The following WNT8A variants were observed in gnomAD, a reference collection of about 807,000 sequenced individuals.
The protein encoded by WNT8A is Wnt family member 8A, also known as protein Wnt-8a.
WNT8A carries 14 observed loss-of-function variants against 20.5 expected under a neutral mutation model. The ratio of observed to expected loss-of-function variants is 0.68; its 90% CI spans 0.45 to 1.07. WNT8A has a LOEUF of 1.07. WNT8A is among the 50% of genes least tolerant of loss of function. WNT8A has a pLI of 0.00. For synonymous variants in WNT8A, 167 were observed against 169.2 expected, an observed-to-expected ratio of 0.99 and a Z score of 0.10; for missense variants, 397 against 462.9, an observed-to-expected ratio of 0.86 and a Z score of 1.31.
Position 138,091,532 on chromosome 5 carries a change from G to C in WNT8A, c.*459G>C. 7.7e-7 allele frequency: 1 copy of C among 1,302,648 alleles called. No homozygotes were observed. Among genetic ancestry groups the C allele is most frequent in the East Asian group, 5.0e-5 (1 of 20,002 alleles). The allele number at this position is 1,302,648 out of a possible 1,614,324, so 80.7% of individuals were successfully genotyped here. A position where few individuals can be genotyped will look rare whatever the true frequency, so the allele number is the denominator to read the frequency against. On this transcript the variant is annotated 3_prime_UTR_variant, in exon 5 of 5. Transcript: ENST00000506684. ...CAGCCTGTGGCTACAAATCTATGCT[G>C]ATAAATGAGGTAAAGACCACATATC...
At chr5:138,091,659 C>G (rs1750859562), downstream of WNT8A, 2 of 514,618 alleles carry the variant, frequency 3.9e-6, no homozygotes, top group Non-Finnish European at 6.1e-6. Context: ...GACACCATCT[C>G]TACACAAAAT....
intron 2 of WNT8A, 132 bp from the exon 3 acceptor site, chr5:138,087,674 A>AAAT: frequency 1.4e-6 from 1 of 706,608 alleles, no homozygotes; most frequent in Non-Finnish European, 2.1e-6. Flanking sequence ...AAAAAAAAAA[A>AAAT]GAAAGAAAAG....
chr5:138,086,650 C>G, intron 2 of WNT8A, among the ~76,000 whole-genome samples: 1 of 152,084 alleles, frequency 6.6e-6, no homozygotes, highest in Non-Finnish European at 1.5e-5. Flanking sequence ...CACCTGTAAT[C>G]CCAGCACTTT....
At position 138,084,482 on chromosome 5, in the gene WNT8A, C is replaced by A. The variant is rs375505533; in HGVS notation, c.157-16C>A. The A allele has an allele frequency of 3.2e-4, 514 of 1,590,266 alleles. No homozygotes were observed. In the Middle Eastern group the frequency reaches 4.2e-3, roughly 13 times the overall value. On this transcript the variant is annotated splice_polypyrimidine_tract_variant and intron_variant, in intron 1 of 4. Transcript: ENST00000506684. Reference sequence around the variant, plus strand: ...CCATACCGGGCAGAAGCTCACAGCCCTTTTCCCTTTGCCAGGCCTATCTGA... The same window carrying A: ...CCATACCGGGCAGAAGCTCACAGCCATTTTCCCTTTGCCAGGCCTATCTGA...
At chr5:138,086,801 A>C (rs1328976560) in intron 2 of WNT8A, among the ~76,000 whole-genome samples, 7 of 150,950 alleles carry the variant, frequency 4.6e-5, no homozygotes, top group Non-Finnish European at 1.0e-4. Flanking sequence ...TTGGGAGGCC[A>C]AGGTGAGTGG....
intron 4 of WNT8A, among the ~76,000 whole-genome samples, chr5:138,089,908 T>G (rs1305758655): frequency 1.3e-5 from 2 of 152,194 alleles, no homozygotes; most frequent in Non-Finnish European, 2.9e-5. Context: ...GCGATCCTCT[T>G]GCCTCAGCCT....
In WNT8A at chr5:138,090,701, G is replaced by A. The variant is rs1750816831; in HGVS notation, c.738G>A (p.Gly246=). 2 of 1,614,110 alleles carry A rather than the reference G, an allele frequency of 1.2e-6. No individual in the cohort carries two copies. The highest frequency in any genetic ancestry group is 1.3e-5 in the African/African-American group (1 of 74,942). Residue 246 remains glycine (G), a synonymous_variant, in exon 5 of 5, where the codon GGG becomes GGA. Transcript: ENST00000506684. Reference sequence around the variant, plus strand: ...TGGATAAGCGGCAGCTGAGAGCTGGGAACAGCGCCGAGGGCCACTGGGTGC... The same window carrying A: ...TGGATAAGCGGCAGCTGAGAGCTGGAAACAGCGCCGAGGGCCACTGGGTGC... ...IEMDKRQLRA[G]NSAEGHWVPA... is the part of the protein sequence containing the mutation.
rs776674977 is a variant in WNT8A at position 138,090,662 on chromosome 5, G to A, written c.699G>A (p.Ala233=). ...GDYLKAKYDQ[A]LKIEMDKRQL... The stretch of plus-strand genomic sequence containing the variant: ...ACCTAAAGGCCAAGTATGACCAGGC[G>A]CTGAAAATTGAAATGGATAAGCGGC... Residue 233 remains alanine (A), a synonymous_variant, in exon 5 of 5, where the codon GCG becomes GCA. Transcript: ENST00000506684. 1.1e-5 allele frequency: 18 copies of A among 1,614,234 alleles called. No individual in the cohort carries two copies. The highest frequency in any genetic ancestry group is 1.7e-5 in the Admixed American group (1 of 60,024).
intron 2 of WNT8A, among the ~76,000 whole-genome samples, chr5:138,085,557 A>G (rs1750632987): frequency 6.6e-6 from 1 of 152,122 alleles, no homozygotes; most frequent in Non-Finnish European, 1.5e-5. Flanking sequence ...AAGAAGACGG[A>G]GAAAGTGGCT....
intron 4 of WNT8A, 103 bp from the exon 5 acceptor site, chr5:138,090,425 C>T (rs1581363230): frequency 9.4e-7 from 1 of 1,059,632 alleles, no homozygotes; most frequent in Non-Finnish European, 1.4e-6. Context: ...AATTCTGATG[C>T]TCCTTTAAAG....
intron 2 of WNT8A, among the ~76,000 whole-genome samples, chr5:138,085,642 A>T (rs1298267070): frequency 1.3e-5 from 2 of 152,128 alleles, no homozygotes; most frequent in Non-Finnish European, 2.9e-5. Context: ...TGAGTTCAGG[A>T]GTTCGAGACC....
chr5:138,080,917 T>G (rs750851983), upstream of WNT8A, among the ~76,000 whole-genome samples: 3 of 152,126 alleles, frequency 2.0e-5, no homozygotes, highest in Admixed American at 6.5e-5. Context: ...AGCAGAGGCC[T>G]CTCTATAAAT....
At chr5:138,088,387 C>G (rs1227709212) in intron 3 of WNT8A, among the ~76,000 whole-genome samples, 1 of 142,420 alleles carries the variant, frequency 7.0e-6, no homozygotes. Context: ...GATGGAGTCT[C>G]GCTCTGTCGA....
Position 138,087,060 on chromosome 5 carries a change from TAA to T in WNT8A, c.296-745_296-744del, listed in dbSNP as rs775965150. ...GAGCCTATCTCAAAAAATAAAATAA[TAA>T]TTAAAAAAAAATAGGCCAGGCACAG... On this transcript the variant is annotated intron_variant, in intron 2 of 4. Coordinates refer to ENST00000506684, the MANE Select transcript of WNT8A (RefSeq NM_001300939.2). Among the ~76,000 whole-genome samples the T allele has an allele frequency of 9.2e-3, 1,270 of 138,314 alleles. 11 individuals carry two copies. The highest frequency in any genetic ancestry group is 0.016 in the Admixed American group (214 of 13,742). The allele number at this position is 138,314 out of a possible 152,430, so 90.7% of individuals were successfully genotyped here. A position where few individuals can be genotyped will look rare whatever the true frequency, so the allele number is the denominator to read the frequency against.
At chr5:138,084,663 C>A in intron 2 of WNT8A, 27 bp downstream of exon 2, 1 of 1,587,458 alleles carries the variant, frequency 6.3e-7, no homozygotes, top group Admixed American at 1.7e-5. Flanking sequence ...CTCACCTGTA[C>A]AAGGGGTATA....
upstream of WNT8A, among the ~76,000 whole-genome samples, chr5:138,081,991 G>A (rs992309009): frequency 2.6e-5 from 4 of 152,128 alleles, no homozygotes; most frequent in Non-Finnish European, 5.9e-5. Context: ...TTGGTGGGGG[G>A]ATCTCTGAGC....
At chr5:138,083,452 G>A (rs1018890579), upstream of WNT8A, among the ~76,000 whole-genome samples, 1 of 152,294 alleles carries the variant, frequency 6.6e-6, no homozygotes, top group African/African-American at 2.4e-5. Flanking sequence ...TTGCTAGAAT[G>A]TGGTGGAAGG....
chr5:138,080,458 T>TTTTTTTTTG (rs1750481360), upstream of WNT8A, among the ~76,000 whole-genome samples: 2 of 143,384 alleles, frequency 1.4e-5, no homozygotes, highest in Non-Finnish European at 3.0e-5. Context: ...TTTTTTTTTT[T>TTTTTTTTTG]TTTTTTTTTT....
upstream of WNT8A, among the ~76,000 whole-genome samples, chr5:138,081,674 G>C (rs1264257823): frequency 6.6e-6 from 1 of 152,020 alleles, no homozygotes; most frequent in Non-Finnish European, 1.5e-5. Flanking sequence ...AGGCCCACAA[G>C]CAATCAAAGG....
Sources: allele counts gnomAD v4.1 joint callset (sites outside exome capture counted in the v4.1 genomes callset), GRCh38; gene constraint gnomAD v4.1.1; transcripts MANE v1.5; gene names NCBI Gene and HGNC (gene_info 2026-07-23, HGNC 2026-07-21).